The following ATAD2B variants were observed in gnomAD, a reference collection of about 807,000 sequenced individuals.
ATAD2B encodes ATPase family AAA domain-containing protein 2B.
ATAD2B carries 40 observed loss-of-function variants against 167.6 expected under a neutral mutation model. The observed-to-expected ratio is 0.24, with a 90% CI of 0.19 to 0.31. ATAD2B has a LOEUF of 0.31. Ranked by LOEUF, ATAD2B falls within the 10% of genes least tolerant of loss-of-function variation. The pLI, the probability that ATAD2B is intolerant of heterozygous loss-of-function variation, is 1.00. For missense variants in ATAD2B, 1,242 were observed against 1,757.2 expected, an observed-to-expected ratio of 0.71 and a Z score of 5.24; for synonymous variants, 579 against 596.5, an observed-to-expected ratio of 0.97 and a Z score of 0.43.
At chr2:23,761,055 T>C (rs1676681037) in intron 24 of ATAD2B, among the ~76,000 whole-genome samples, 1 of 152,252 alleles carries the variant, frequency 6.6e-6, no homozygotes. Flanking sequence ...GAATAGTCAA[T>C]GTATTTTCAT....
intron 22 of ATAD2B, among the ~76,000 whole-genome samples, chr2:23,779,906 C>A (rs142899847): frequency 6.6e-6 from 1 of 152,184 alleles, no homozygotes; most frequent in East Asian, 1.9e-4. Flanking sequence ...GGAATTAATA[C>A]GTTTTTAATA....
chr2:23,923,609 C>T (rs1476811035), intron 1 of ATAD2B, among the ~76,000 whole-genome samples: 1 of 151,080 alleles, frequency 6.6e-6, no homozygotes. Flanking sequence ...TATCTCCAAA[C>T]TCACAGAGTT....
intron 17 of ATAD2B, among the ~76,000 whole-genome samples, chr2:23,818,362 C>CAAA (rs6146683): frequency 1.1e-4 from 11 of 99,294 alleles, no homozygotes; most frequent in African/African-American, 3.5e-4. Flanking sequence ...AGGTGAAAAG[C>CAAA]AAAAAAAAAA....
Position 23,788,539 on chromosome 2 carries a change from T to C in ATAD2B, c.2749A>G (p.Met917Val), listed in dbSNP as rs1681165115. The change falls in exon 20 of 28, where the codon ATG becomes GTG. Residue 917 changes from methionine (M) to valine (V), a missense_variant. Physicochemically the swap from Met to Val is conservative, Grantham distance 21. Transcript: ENST00000238789. The part of the protein sequence containing the change: ...FQELILNQAS[M>V]APPRRKHAAL... Reference sequence around the variant, plus strand: ...GCATGTTTCCTTCGTGGTGGAGCCATTGATGCCTGATTGAGAATCAATTCT... The same window carrying C: ...GCATGTTTCCTTCGTGGTGGAGCCACTGATGCCTGATTGAGAATCAATTCT... The C allele has an allele frequency of 1.9e-6, 3 of 1,613,362 alleles. No individual in the cohort carries two copies. Among genetic ancestry groups the C allele is most frequent in the East Asian group, 2.2e-5 (1 of 44,864 alleles).
At chr2:23,839,104 G>A (rs1690466960) in intron 13 of ATAD2B, among the ~76,000 whole-genome samples, 1 of 152,038 alleles carries the variant, frequency 6.6e-6, no homozygotes, top group Admixed American at 6.6e-5. Flanking sequence ...CAAAATTTAT[G>A]TTTATATTGA....
chr2:23,915,181 G>A (rs868755682), intron 1 of ATAD2B, among the ~76,000 whole-genome samples: 1 of 152,094 alleles, frequency 6.6e-6, no homozygotes, highest in Non-Finnish European at 1.5e-5. Flanking sequence ...ATAATGTTAA[G>A]AGAAAATAAT....
chr2:23,863,451 C>T lies in ATAD2B; in HGVS notation c.1409G>A (p.Arg470Gln), dbSNP rs1694715839. ...CTTGCTCAAACAATCTGCTCCTTTT[C>T]GCATAAAAAAAGCCACTTTTTTGTC... ...QGDKKVAFFMRKGADCLSKWV... is the reference protein window; with the variant it reads ...QGDKKVAFFMQKGADCLSKWV... Residue 470 changes from arginine to glutamine, a missense_variant, in exon 12 of 28, where the codon CGA becomes CAA. Physicochemically the swap from Arg to Gln is conservative, Grantham distance 43. Around this residue, in one of 9 missense-constraint regions of ATAD2B, gnomAD observed 151 missense variants for 284.1 expected, o/e 0.53. Coordinates refer to ENST00000238789, the MANE Select transcript of ATAD2B (RefSeq NM_017552.4). 1 of 1,552,886 alleles carries T rather than the reference C, an allele frequency of 6.4e-7. No individual in the cohort carries two copies. Among genetic ancestry groups the T allele is most frequent in the Non-Finnish European group, 8.7e-7 (1 of 1,147,426 alleles).
intron 13 of ATAD2B, among the ~76,000 whole-genome samples, chr2:23,834,437 C>T (rs1002224122): frequency 6.6e-6 from 1 of 151,978 alleles, no homozygotes; most frequent in African/African-American, 2.4e-5. Flanking sequence ...GCTGGGATTA[C>T]GGACGTGAGC....
the ATAD2B span, among the ~76,000 whole-genome samples, chr2:23,705,642 G>A: frequency 2.6e-5 from 4 of 152,202 alleles, no homozygotes; most frequent in Non-Finnish European, 2.9e-5. Flanking sequence ...AAGCTTCAGG[G>A]TCTGGTAAGA....
the ATAD2B span, chr2:23,696,296 C>T: frequency 6.5e-7 from 1 of 1,546,054 alleles, no homozygotes; most frequent in Non-Finnish European, 8.7e-7. The surrounding 1 kb of genome is among the most constrained non-coding windows in gnomAD (Gnocchi z 5.5). Flanking sequence ...CCCCTCCTCA[C>T]CCCGCCCGCT....
chr2:23,705,470 G>A, the ATAD2B span, among the ~76,000 whole-genome samples: 16 of 151,508 alleles, frequency 1.1e-4, no homozygotes, highest in African/African-American at 3.9e-4. Context: ...CCAGCCTGGT[G>A]ACAGAGTATG....
the ATAD2B span, among the ~76,000 whole-genome samples, chr2:23,737,535 A>C: frequency 0.079 from 12,098 of 152,226 alleles, 614 homozygotes; most frequent in South Asian, 0.12. Context: ...TCCACACCAA[A>C]AACCCATCTG....
rs192936641 is a variant in ATAD2B at position 23,891,419 on chromosome 2, G to A, written c.369-3020C>T. 2.0e-5 allele frequency among the ~76,000 whole-genome samples: 3 copies of A among 152,174 alleles called. No homozygotes were observed. In the East Asian group the frequency reaches 5.8e-4, roughly 29 times the overall value. ...CAAAAGTTGTTCACTTAAATTGAGT[G>A]GGTAGCTATTTTTTGAAAAGAAGGA... On this transcript the variant is annotated intron_variant, in intron 2 of 27. Coordinates refer to ENST00000238789, the MANE Select transcript of ATAD2B (RefSeq NM_017552.4).
chr2:23,763,965 C>A, intron 23 of ATAD2B, among the ~76,000 whole-genome samples: 1 of 152,198 alleles, frequency 6.6e-6, no homozygotes, highest in South Asian at 2.1e-4. Context: ...AAGTAGTATG[C>A]GCTTGTATGG....
At chr2:23,785,581 C>A (rs1372545419) in intron 21 of ATAD2B, among the ~76,000 whole-genome samples, 5 of 152,056 alleles carry the variant, frequency 3.3e-5, no homozygotes, top group Non-Finnish European at 2.9e-5. Flanking sequence ...CAGCCACAGG[C>A]ATTTCCAAAA....
chr2:23,744,870 T>C (rs1674737629), downstream of ATAD2B, among the ~76,000 whole-genome samples: 1 of 152,244 alleles, frequency 6.6e-6, no homozygotes, highest in East Asian at 1.9e-4. Context: ...TCTGAAATTT[T>C]TTCTTTTCAA....
intron 22 of ATAD2B, among the ~76,000 whole-genome samples, chr2:23,781,829 T>C (rs1680113751): frequency 6.6e-6 from 1 of 152,006 alleles, no homozygotes. Flanking sequence ...CCTTTTTATT[T>C]TGAGAAAGGC....
chr2:23,754,094 T>C, intron 27 of ATAD2B, 85 bp downstream of exon 27: 1 of 1,128,874 alleles, frequency 8.9e-7, no homozygotes, highest in South Asian at 2.0e-5. Context: ...GACATAGATG[T>C]AGGCAAAATA....
At chr2:23,903,471 T>G (rs546083078) in intron 1 of ATAD2B, among the ~76,000 whole-genome samples, 127 of 152,224 alleles carry the variant, frequency 8.3e-4, no homozygotes, top group Non-Finnish European at 1.2e-3. Context: ...TCTAACCTCT[T>G]TGAATAGATA....
Sources: gnomAD v4.1 joint callset for allele counts (sites outside exome capture counted in the v4.1 genomes callset) on GRCh38, gnomAD v4.1.1 for gene constraint, gnomAD v4.1.1 regional missense constraint, Gnocchi (gnomAD v3.1) non-coding constraint, MANE v1.5 for transcripts, NCBI Gene and HGNC (gene_info 2026-07-23, HGNC 2026-07-21) for gene names.